The following PALS2 variants were observed in gnomAD, a reference collection of about 807,000 sequenced individuals.
PALS2 encodes protein associated with LIN7 2, MAGUK p55 family member, also known as protein PALS2.
PALS2 carries 27 observed loss-of-function variants against 61.6 expected under a neutral mutation model. That is an observed-to-expected ratio of 0.44 (90% confidence interval 0.32 to 0.60). PALS2 has a LOEUF of 0.60. Ranked by LOEUF, PALS2 falls within the 20% of genes least tolerant of loss-of-function variation. The pLI is 0.05. For synonymous variants in PALS2, 236 were observed against 218.6 expected, an observed-to-expected ratio of 1.08 and a Z score of -0.70; for missense variants, 554 against 639.4, an observed-to-expected ratio of 0.87 and a Z score of 1.44.
intron 5 of PALS2, among the ~76,000 whole-genome samples, chr7:24,654,210 TAAA>T (rs766083632): frequency 7.1e-6 from 1 of 140,148 alleles, no homozygotes. Context: ...TTTGCCTAGT[TAAA>T]AAAAAAAAAA....
intron 10 of PALS2, among the ~76,000 whole-genome samples, chr7:24,680,063 A>G (rs117610059): frequency 3.7e-4 from 57 of 152,308 alleles, no homozygotes; most frequent in Non-Finnish European, 6.0e-4. Flanking sequence ...CCACTCTCCA[A>G]TTAATCAACA....
At chr7:24,594,637 C>T (rs1380258289) in intron 1 of PALS2, among the ~76,000 whole-genome samples, 1 of 151,946 alleles carries the variant, frequency 6.6e-6, no homozygotes, top group Non-Finnish European at 1.5e-5. Flanking sequence ...AGTTGGTAGA[C>T]GAGTCAGAAC....
Position 24,625,801 on chromosome 7 carries a change from T to C in PALS2, c.117+2017T>C, listed in dbSNP as rs74418931. Among the ~76,000 whole-genome samples the C allele has an allele frequency of 3.8e-3, 572 of 152,296 alleles. 4 individuals carry two copies. The highest frequency in any genetic ancestry group is 0.013 in the African/African-American group (543 of 41,558). ...TAAAGCAAAGAGTTATCCAATAATA[T>C]GCAACATTCAGGCAGATTCTTAATA... On this transcript the variant is annotated intron_variant, in intron 2 of 11. Transcript: ENST00000222644.
At chr7:24,629,916 G>A (rs973279576) in intron 2 of PALS2, among the ~76,000 whole-genome samples, 5 of 152,210 alleles carry the variant, frequency 3.3e-5, no homozygotes, top group Admixed American at 6.5e-5. Context: ...GGAAGACAGT[G>A]TGGCAATTCC....
intron 1 of PALS2, among the ~76,000 whole-genome samples, chr7:24,591,547 A>T (rs1304579532): frequency 6.6e-6 from 1 of 152,188 alleles, no homozygotes; most frequent in Non-Finnish European, 1.5e-5. Context: ...ATAAAATGCC[A>T]TATCCTCAGT....
At chr7:24,614,422 G>T (rs556984841) in intron 1 of PALS2, among the ~76,000 whole-genome samples, 3 of 151,560 alleles carry the variant, frequency 2.0e-5, no homozygotes, top group Non-Finnish European at 4.4e-5. Context: ...TTTCTTTATT[G>T]TAAGATCATG....
chr7:24,601,025 A>G (rs1783703232), intron 1 of PALS2, among the ~76,000 whole-genome samples: 1 of 152,140 alleles, frequency 6.6e-6, no homozygotes, highest in African/African-American at 2.4e-5. Context: ...TCTTCCTCCC[A>G]GGAGGCTACT....
chr7:24,658,066 GC>G (rs1248676219), intron 5 of PALS2, among the ~76,000 whole-genome samples: 1 of 151,880 alleles, frequency 6.6e-6, no homozygotes, highest in African/African-American at 2.4e-5. Context: ...TGTATATTAG[GC>G]CCATTGAAGT....
chr7:24,676,339 G>A (rs1459413765), intron 9 of PALS2, among the ~76,000 whole-genome samples: 1 of 151,254 alleles, frequency 6.6e-6, no homozygotes, highest in African/African-American at 2.4e-5. Flanking sequence ...TGTTCACTCT[G>A]ATGGTAGTTT....
Position 24,596,415 on chromosome 7 carries a change from C to A in PALS2, c.-3+22822C>A, listed in dbSNP as rs527765316. Among the ~76,000 whole-genome samples the A allele has an allele frequency of 6.6e-6, 1 of 152,138 alleles. No individual in the cohort carries two copies. The highest frequency in any genetic ancestry group is 1.9e-4 in the East Asian group (1 of 5,178). On this transcript the variant is annotated intron_variant, in intron 1 of 11. Transcript: ENST00000222644. This position sits in a 1 kb window ranked among gnomAD's most constrained non-coding sequence, Gnocchi z 4.5. ...TATAAAGTATTATTTTGAAAACAGA[C>A]CCTATCAATGAAATTTATTCTAAAA...
chr7:24,667,223 G>A (rs1418366374), intron 8 of PALS2, among the ~76,000 whole-genome samples: 1 of 151,978 alleles, frequency 6.6e-6, no homozygotes, highest in East Asian at 1.9e-4. Flanking sequence ...ATGCCCATAA[G>A]GCTTTTTTGC....
At chr7:24,621,733 T>A (rs1784530084) in intron 1 of PALS2, among the ~76,000 whole-genome samples, 1 of 152,004 alleles carries the variant, frequency 6.6e-6, no homozygotes, top group Non-Finnish European at 1.5e-5. Flanking sequence ...TACTACAATC[T>A]GACTTTTAAC....
At chr7:24,579,416 G>A (rs369260933) in intron 1 of PALS2, among the ~76,000 whole-genome samples, 2 of 152,060 alleles carry the variant, frequency 1.3e-5, no homozygotes, top group Non-Finnish European at 2.9e-5. Context: ...TTTGTGAAAG[G>A]GTAAAAAGTT....
rs182397211 is a variant in PALS2, at chr7:24,645,598, G to A, written c.270+3730G>A. On this transcript the variant is annotated intron_variant, in intron 3 of 11. Coordinates refer to ENST00000222644, the MANE Select transcript of PALS2 (RefSeq NM_001303037.2). ...TTGCTTAAGATTGCCTTGGCTATTCGGGCCCTTTTTTGGTTCCATATGAAT... is the reference window on the plus strand; with the variant it reads ...TTGCTTAAGATTGCCTTGGCTATTCAGGCCCTTTTTTGGTTCCATATGAAT... Among the ~76,000 whole-genome samples, 23 of 152,048 alleles carry A rather than the reference G, an allele frequency of 1.5e-4. No homozygotes were observed. In the East Asian group the frequency reaches 3.9e-3, roughly 26 times the overall value.
At chr7:24,604,282 A>G (rs1204554447) in intron 1 of PALS2, among the ~76,000 whole-genome samples, 3 of 152,010 alleles carry the variant, frequency 2.0e-5, no homozygotes, top group Non-Finnish European at 1.5e-5. Context: ...AGGACACAAT[A>G]AATAGAGAAC....
chr7:24,658,302 G>A (rs943033391), intron 5 of PALS2, among the ~76,000 whole-genome samples: 1 of 152,100 alleles, frequency 6.6e-6, no homozygotes, highest in African/African-American at 2.4e-5. Context: ...GTGTTTAATA[G>A]ACTTAATCCT....
At chr7:24,681,940 C>T (rs1787957739) in intron 11 of PALS2, among the ~76,000 whole-genome samples, 2 of 152,122 alleles carry the variant, frequency 1.3e-5, no homozygotes, top group African/African-American at 4.8e-5. Flanking sequence ...AATGTCTTTG[C>T]AGGTTCTAAC....
chr7:24,656,108 AC>A (rs1439951012), intron 5 of PALS2, among the ~76,000 whole-genome samples: 3 of 152,208 alleles, frequency 2.0e-5, no homozygotes, highest in African/African-American at 7.2e-5. Flanking sequence ...CACTTTGTTC[AC>A]CATCTTGTCA....
intron 1 of PALS2, among the ~76,000 whole-genome samples, chr7:24,622,622 A>G (rs1470890682): frequency 1.3e-5 from 2 of 151,624 alleles, no homozygotes; most frequent in Non-Finnish European, 3.0e-5. Context: ...ATGATCTGCA[A>G]ATATAAATTG....
Sources: gnomAD v4.1 joint callset for allele counts (sites outside exome capture counted in the v4.1 genomes callset) on GRCh38, gnomAD v4.1.1 for gene constraint, Gnocchi (gnomAD v3.1) non-coding constraint, MANE v1.5 for transcripts, NCBI Gene and HGNC (gene_info 2026-07-23, HGNC 2026-07-21) for gene names.